The following PCDHGA4 variants were observed in gnomAD, a reference collection of about 807,000 sequenced individuals.
PCDHGA4 encodes protocadherin gamma-A4.
PCDHGA4 carries 38 observed loss-of-function variants against 54.6 expected under a neutral mutation model. The ratio of observed to expected loss-of-function variants is 0.70; its 90% CI spans 0.54 to 0.91. The LOEUF (loss-of-function observed/expected upper bound fraction) is 0.91, where lower values mean the gene tolerates loss of function less well. Ranked by LOEUF, PCDHGA4 falls within the 40% of genes least tolerant of loss-of-function variation. The pLI, the probability that PCDHGA4 is intolerant of heterozygous loss-of-function variation, is 0.00. For missense variants in PCDHGA4, 1,298 were observed against 1,220.9 expected (o/e 1.06, Z -0.94); for synonymous variants, 511 against 512.9 (o/e 1.00, Z 0.05).
In PCDHGA4 at chr5:141,410,160, C is replaced by T. The variant is rs767993789; in HGVS notation, c.2514+52539C>T. ...GCTGTGCGTGACGGTGGACAGCCGC[C>T]ACTCTCTGCCACCGCCACGCTTCAT... On this transcript the variant is annotated intron_variant, in intron 1 of 3. Transcript: ENST00000571252. 100 of 1,613,580 alleles carry T rather than the reference C, an allele frequency of 6.2e-5. No individual in the cohort carries two copies. In the Middle Eastern group the frequency reaches 2.1e-3, roughly 34 times the overall value.
intron 1 of PCDHGA4, among the ~76,000 whole-genome samples, chr5:141,473,096 G>A (rs1007912058): frequency 9.9e-5 from 15 of 152,058 alleles, no homozygotes; most frequent in African/African-American, 3.6e-4. Context: ...ACTGTGAGTT[G>A]TATTACCACA....
At chr5:141,372,376 AC>A (rs1371288225) in intron 1 of PCDHGA4, 1 of 1,613,960 alleles carries the variant, frequency 6.2e-7, no homozygotes, top group Admixed American at 1.7e-5. Flanking sequence ...GTCATGCTGC[AC>A]CTAATCTTCG....
At position 141,486,415 on chromosome 5, in the gene PCDHGA4, T is replaced by C. The variant is rs745877804; in HGVS notation, c.2515-8392T>C. On this transcript the variant is annotated intron_variant, in intron 1 of 3. Transcript: ENST00000571252. The surrounding 1 kb of genome is among the most constrained non-coding windows in gnomAD (Gnocchi z 5.0). ...CCCTGGTGACTGCTGGACCCTTGGA[T>C]CGAGAGGCCAAATCTAGCTATGACA... 6.2e-7 allele frequency: 1 copy of C among 1,614,176 alleles called. No individual in the cohort carries two copies. The highest frequency in any genetic ancestry group is 8.5e-7 in the Non-Finnish European group (1 of 1,180,022).
intron 1 of PCDHGA4, chr5:141,399,501 C>T (rs941107702): frequency 5.6e-6 from 9 of 1,614,032 alleles, no homozygotes; most frequent in Non-Finnish European, 7.6e-6. Flanking sequence ...TCAGTGTACC[C>T]GAAAACAACC....
At position 141,454,796 on chromosome 5, in the gene PCDHGA4, A is replaced by ATTTTTTTTTTTTTTTTTTTT. The variant is rs61612330; in HGVS notation, c.2515-40001_2515-39982dup. Among the ~76,000 whole-genome samples, 20 of 77,456 alleles carry ATTTTTTTTTTTTTTTTTTTT rather than the reference A, an allele frequency of 2.6e-4. 2 individuals carry two copies. Among genetic ancestry groups the ATTTTTTTTTTTTTTTTTTTT allele is most frequent in the South Asian group, 5.1e-4 (1 of 1,960 alleles). The allele number at this position is 77,456 out of a possible 152,430, so 50.8% of individuals were successfully genotyped here. On this transcript the variant is annotated intron_variant, in intron 1 of 3. Transcript: ENST00000571252. Reference sequence around the variant, plus strand: ...AAGGAAATAATCCTCCATGGTTCTAATTTTTTTTTTTTTTTTTTTTTTTTT... The same window carrying ATTTTTTTTTTTTTTTTTTTT: ...AAGGAAATAATCCTCCATGGTTCTAATTTTTTTTTTTTTTTTTTTTTTTTTTTTTTTTTTTTTTTTTTTTT...
At chr5:141,404,910 CT>C (rs1185141572) in intron 1 of PCDHGA4, 10 of 1,613,936 alleles carry the variant, frequency 6.2e-6, no homozygotes, top group Non-Finnish European at 8.5e-6. Flanking sequence ...GGCCAGCCCC[CT>C]CTCTCGGCCA....
intron 1 of PCDHGA4, among the ~76,000 whole-genome samples, chr5:141,363,323 G>T (rs1463680415): frequency 1.3e-5 from 2 of 152,116 alleles, no homozygotes; most frequent in African/African-American, 4.8e-5. Context: ...CTATGAAAGT[G>T]TTATTAAATA....
In PCDHGA4 at chr5:141,375,951, C is replaced by T. The variant is rs767101939; in HGVS notation, c.2514+18330C>T. 10 of 1,613,526 alleles carry T rather than the reference C, an allele frequency of 6.2e-6. No individual in the cohort carries two copies. The Admixed American group carries it at 1.5e-4, about 24-fold the overall frequency. ...GGACTTTTCTCAGTGGGCCTGCACA[C>T]GGGCGAGGTGCGCACGGCGCGCGCC... On this transcript the variant is annotated intron_variant, in intron 1 of 3. Transcript: ENST00000571252.
At chr5:141,414,691 T>A (rs2095777481) in intron 1 of PCDHGA4, 1 of 1,613,848 alleles carries the variant, frequency 6.2e-7, no homozygotes, top group African/African-American at 1.3e-5. Context: ...GGTACCTCTG[T>A]CCTCATACAT....
chr5:141,358,015 C>A (rs563635829), intron 1 of PCDHGA4, among the ~76,000 whole-genome samples: 2 of 152,188 alleles, frequency 1.3e-5, no homozygotes, highest in African/African-American at 4.8e-5. Flanking sequence ...CATGGTGAAA[C>A]CCAGTCTCTA....
chr5:141,413,077 G>A (rs2095603422), intron 1 of PCDHGA4: 1 of 1,287,542 alleles, frequency 7.8e-7, no homozygotes, highest in African/African-American at 1.5e-5. Context: ...AAGTGCCCAG[G>A]CTACAGAGAC....
chr5:141,500,144 C>T (rs2099796717), intron 2 of PCDHGA4, among the ~76,000 whole-genome samples: 1 of 151,426 alleles, frequency 6.6e-6, no homozygotes, highest in South Asian at 2.1e-4. Context: ...CTAAACTTTT[C>T]TTTGTGTAAT....
In PCDHGA4 at chr5:141,409,757, G is replaced by T. The variant is rs376391018; in HGVS notation, c.2514+52136G>T. On this transcript the variant is annotated intron_variant, in intron 1 of 3. Coordinates refer to ENST00000571252, the MANE Select transcript of PCDHGA4 (RefSeq NM_018917.4). ...GAGCGGGGTGGTGTTCGCGCAGCGC[G>T]CCTTTGATCACGAGCAGCTGCGCGC... is the stretch of plus-strand genomic sequence containing the variant. 5 of 1,612,868 alleles carry T rather than the reference G, an allele frequency of 3.1e-6. No homozygotes were observed. In the East Asian group the frequency reaches 6.7e-5, roughly 22 times the overall value.
intron 1 of PCDHGA4, among the ~76,000 whole-genome samples, chr5:141,402,461 C>A (rs892900332): frequency 1.3e-5 from 2 of 151,994 alleles, no homozygotes; most frequent in East Asian, 3.8e-4. Context: ...GTTTACATAT[C>A]TAGAAATAGA....
chr5:141,388,432 A>C (rs760022375), intron 1 of PCDHGA4: 1 of 1,613,760 alleles, frequency 6.2e-7, no homozygotes, highest in South Asian at 1.1e-5. Context: ...CTGATAAATA[A>C]AGAGAAATCA....
At chr5:141,408,645 C>T (rs763904747) in intron 1 of PCDHGA4, 10 of 1,613,890 alleles carry the variant, frequency 6.2e-6, no homozygotes, top group Non-Finnish European at 8.5e-6. Flanking sequence ...TCTGCATCCG[C>T]TGGTACACGA....
chr5:141,422,800 C>A (rs1470748782), intron 1 of PCDHGA4: 1 of 1,614,094 alleles, frequency 6.2e-7, no homozygotes, highest in Non-Finnish European at 8.5e-7. Flanking sequence ...CGACTATGAG[C>A]AGTTTCGAGA....
chr5:141,410,640 G>A (rs747132686), intron 1 of PCDHGA4: 1 of 1,599,056 alleles, frequency 6.3e-7, no homozygotes, highest in Non-Finnish European at 8.5e-7. Flanking sequence ...TCTTTTTTGT[G>A]TGTGATTTAT....
intron 1 of PCDHGA4, chr5:141,415,943 T>A: frequency 1.8e-6 from 1 of 552,806 alleles, no homozygotes; most frequent in Non-Finnish European, 2.7e-6. Flanking sequence ...TCCTCCTGGG[T>A]GGTCACATAT....
Sources: gnomAD v4.1 joint callset for allele counts (sites outside exome capture counted in the v4.1 genomes callset) on GRCh38, gnomAD v4.1.1 for gene constraint, Gnocchi (gnomAD v3.1) non-coding constraint, MANE v1.5 for transcripts, NCBI Gene and HGNC (gene_info 2026-07-23, HGNC 2026-07-21) for gene names.